The following GALNTL6 variants were observed in gnomAD, a reference collection of about 807,000 sequenced individuals.
GALNTL6 encodes polypeptide N-acetylgalactosaminyltransferase like 6.
Under a neutral mutation model 73.7 loss-of-function variants are expected in GALNTL6, and 46 were observed. The observed-to-expected ratio is 0.62, with a 90% CI of 0.49 to 0.80. The LOEUF is 0.80. Among genes scored for constraint, GALNTL6 ranks in the 30% least tolerant of loss-of-function variants. GALNTL6 has a pLI of 0.00. For synonymous variants in GALNTL6, 259 were observed against 263.7 expected (o/e 0.98, Z 0.17); for missense variants, 604 against 755.0 (o/e 0.80, Z 2.34).
chr4:172,701,232 C>T (rs184036358), intron 5 of GALNTL6, among the ~76,000 whole-genome samples: 15 of 152,004 alleles, frequency 9.9e-5, no homozygotes, highest in Admixed American at 2.6e-4. Flanking sequence ...GAACATAGTT[C>T]GGTGAGCCTA....
At chr4:172,413,566 A>T (rs13144858) in intron 5 of GALNTL6, among the ~76,000 whole-genome samples, 122,168 of 152,080 alleles carry the variant, frequency 0.8, 50,085 homozygotes, top group Non-Finnish European at 0.88. Flanking sequence ...GAGATTAGGC[A>T]TAGGAATTAG....
chr4:172,866,375 A>G (rs1306099973), intron 7 of GALNTL6, among the ~76,000 whole-genome samples: 1 of 152,170 alleles, frequency 6.6e-6, no homozygotes, highest in African/African-American at 2.4e-5. Flanking sequence ...TCTTGATTCA[A>G]ATCCACACAA....
At chr4:171,904,318 A>C (rs530524669) in intron 2 of GALNTL6, among the ~76,000 whole-genome samples, 1 of 152,266 alleles carries the variant, frequency 6.6e-6, no homozygotes, top group Admixed American at 6.5e-5. Context: ...TGGAGCTGAA[A>C]ACCAAGGCTC....
chr4:172,849,367 T>C (rs1743690304), intron 7 of GALNTL6, among the ~76,000 whole-genome samples: 1 of 152,146 alleles, frequency 6.6e-6, no homozygotes, highest in South Asian at 2.1e-4. Flanking sequence ...AAAAAATGTC[T>C]CATTCAAAAT....
intron 5 of GALNTL6, among the ~76,000 whole-genome samples, chr4:172,361,985 T>C (rs1742386694): frequency 6.6e-6 from 1 of 152,186 alleles, no homozygotes; most frequent in Non-Finnish European, 1.5e-5. Flanking sequence ...TTGACCATTA[T>C]TATTCCGGCT....
At chr4:172,645,537 G>T (rs979629828) in intron 5 of GALNTL6, among the ~76,000 whole-genome samples, 1 of 151,862 alleles carries the variant, frequency 6.6e-6, no homozygotes, top group Non-Finnish European at 1.5e-5. Context: ...ATCAGTTCCA[G>T]TGGTATCCAT....
At chr4:172,865,440 T>C (rs1444063640) in intron 7 of GALNTL6, among the ~76,000 whole-genome samples, 2 of 152,370 alleles carry the variant, frequency 1.3e-5, no homozygotes, top group Non-Finnish European at 2.9e-5. Flanking sequence ...GTGGAAATTT[T>C]GGCTGAAGTC....
intron 9 of GALNTL6, among the ~76,000 whole-genome samples, chr4:172,940,551 C>T (rs952640262): frequency 1.3e-5 from 2 of 151,684 alleles, no homozygotes; most frequent in African/African-American, 4.8e-5. Context: ...TTAGTAGAGA[C>T]GGGCTTTCAC....
chr4:172,872,496 T>A (rs1375554124), intron 7 of GALNTL6, among the ~76,000 whole-genome samples: 1 of 152,164 alleles, frequency 6.6e-6, no homozygotes, highest in Non-Finnish European at 1.5e-5. Flanking sequence ...TACCTTCTCC[T>A]AAAAATGCAA....
chr4:172,705,383 T>C (rs1204330532), intron 5 of GALNTL6, among the ~76,000 whole-genome samples: 1 of 151,858 alleles, frequency 6.6e-6, no homozygotes, highest in African/African-American at 2.4e-5. Context: ...AACATTTATG[T>C]TTTTAACAAA....
At chr4:172,364,596 A>G (rs1198522493) in intron 5 of GALNTL6, among the ~76,000 whole-genome samples, 1 of 152,170 alleles carries the variant, frequency 6.6e-6, no homozygotes, top group Non-Finnish European at 1.5e-5. Flanking sequence ...AAAAGATAAC[A>G]TTTCTTCCCT....
intron 3 of GALNTL6, among the ~76,000 whole-genome samples, chr4:172,291,923 C>G (rs979605698): frequency 1.3e-5 from 2 of 151,960 alleles, no homozygotes; most frequent in African/African-American, 4.8e-5. Context: ...TTAAAAATAA[C>G]CATAGTTAGG....
intron 2 of GALNTL6, among the ~76,000 whole-genome samples, chr4:171,818,064 T>C (rs923784715): frequency 6.6e-6 from 1 of 151,652 alleles, no homozygotes; most frequent in Non-Finnish European, 1.5e-5. Flanking sequence ...GATAATATAT[T>C]TAGCTGAGAA....
At chr4:171,926,010 A>G (rs910403603) in intron 2 of GALNTL6, among the ~76,000 whole-genome samples, 34 of 152,068 alleles carry the variant, frequency 2.2e-4, no homozygotes, top group African/African-American at 8.0e-4. Flanking sequence ...CAAAAATATT[A>G]TTACTGACAC....
chr4:171,930,768 G>A (rs962107337), intron 2 of GALNTL6, among the ~76,000 whole-genome samples: 9 of 152,196 alleles, frequency 5.9e-5, no homozygotes, highest in Admixed American at 1.3e-4. Flanking sequence ...CCAGGAGGCA[G>A]AGGTTGCAGT....
intron 5 of GALNTL6, among the ~76,000 whole-genome samples, chr4:172,760,778 C>G (rs1430402274): frequency 6.6e-6 from 1 of 152,164 alleles, no homozygotes; most frequent in Non-Finnish European, 1.5e-5. Context: ...GACTACCCCC[C>G]ACAATGTGGG....
intron 5 of GALNTL6, among the ~76,000 whole-genome samples, chr4:172,393,426 A>G (rs1038581809): frequency 1.3e-5 from 2 of 152,168 alleles, no homozygotes; most frequent in African/African-American, 4.8e-5. Flanking sequence ...CAAATTTGCC[A>G]TTAAACAAAA....
intron 5 of GALNTL6, among the ~76,000 whole-genome samples, chr4:172,758,936 T>C (rs1737910444): frequency 6.6e-6 from 1 of 152,232 alleles, no homozygotes; most frequent in African/African-American, 2.4e-5. Flanking sequence ...GGGGGGACTA[T>C]TGTAGTACAA....
intron 5 of GALNTL6, among the ~76,000 whole-genome samples, chr4:172,775,175 A>G (rs904523183): frequency 2.0e-5 from 3 of 152,110 alleles, no homozygotes; most frequent in Non-Finnish European, 4.4e-5. Flanking sequence ...GTATAGTTGT[A>G]CAACTATTAT....
Sources: gnomAD v4.1 joint callset for allele counts (sites outside exome capture counted in the v4.1 genomes callset) on GRCh38, gnomAD v4.1.1 for gene constraint, MANE v1.5 for transcripts, NCBI Gene and HGNC (gene_info 2026-07-23, HGNC 2026-07-21) for gene names.